Variants in WWOX observed in about 807,000 individuals in gnomAD.
The protein encoded by WWOX is WW domain containing oxidoreductase.
In WWOX, 69 loss-of-function variants were observed where a neutral mutation model predicts 46.2. The ratio of observed to expected loss-of-function variants is 1.49; its 90% CI spans 1.23 to 1.82. WWOX has a LOEUF of 1.82. Among genes scored for constraint, WWOX ranks in the 40% most tolerant of loss-of-function variants. The probability of loss-of-function intolerance (pLI) is 0.00; values close to 1 mark genes in which losing one functional copy is unlikely to be tolerated. For synonymous variants in WWOX, 359 were observed against 202.6 expected (o/e 1.77, Z -6.56); for missense variants, 919 against 542.6 (o/e 1.69, Z -6.89).
intron 8 of WWOX, among the ~76,000 whole-genome samples, chr16:78,632,813 C>T (rs556120283): frequency 1.5e-4 from 23 of 152,140 alleles, no homozygotes; most frequent in Non-Finnish European, 2.5e-4. Flanking sequence ...CCGCCTCAGC[C>T]TCCCACAGTG....
Position 79,201,192 on chromosome 16 carries a change from C to G in WWOX, c.1057-10416C>G, listed in dbSNP as rs541158698. Among the ~76,000 whole-genome samples, 12 of 152,256 alleles carry G rather than the reference C, an allele frequency of 7.9e-5. No individual in the cohort carries two copies. In the South Asian group the frequency reaches 2.5e-3, roughly 32 times the overall value. On this transcript the variant is annotated intron_variant, in intron 8 of 8. Coordinates refer to ENST00000566780, the MANE Select transcript of WWOX (RefSeq NM_016373.4). ...ATTTTCCTACCATCCCATATTGCCA[C>G]CCCATCTGCAAAAATACCTGGATCT...
At chr16:78,637,144 G>A (rs1187390075) in intron 8 of WWOX, among the ~76,000 whole-genome samples, 1 of 152,178 alleles carries the variant, frequency 6.6e-6, no homozygotes, top group Non-Finnish European at 1.5e-5. Flanking sequence ...ATAACTCTGT[G>A]TTGAGAAATA....
At chr16:79,065,386 G>A (rs1458302015) in intron 8 of WWOX, among the ~76,000 whole-genome samples, 1 of 152,154 alleles carries the variant, frequency 6.6e-6, no homozygotes, top group Non-Finnish European at 1.5e-5. Flanking sequence ...AGTTTAGCAG[G>A]AAGGGAGCTA....
chr16:78,208,421 G>C (rs569692040), intron 5 of WWOX, among the ~76,000 whole-genome samples: 2 of 152,080 alleles, frequency 1.3e-5, no homozygotes. Context: ...GAGAAACTGC[G>C]TATTTATTAA....
intron 1 of WWOX, among the ~76,000 whole-genome samples, chr16:78,103,166 C>T (rs866929854): frequency 6.6e-6 from 1 of 151,948 alleles, no homozygotes; most frequent in African/African-American, 2.4e-5. Context: ...CGGGTGCATA[C>T]ATGGTTTCCA....
intron 8 of WWOX, among the ~76,000 whole-genome samples, chr16:79,176,290 T>C (rs1321820649): frequency 1.3e-5 from 2 of 152,184 alleles, no homozygotes; most frequent in Non-Finnish European, 2.9e-5. Context: ...TGCAGCCACT[T>C]AGTGGTTCCA....
chr16:78,641,470 C>G (rs117013586), intron 8 of WWOX, among the ~76,000 whole-genome samples: 2,498 of 152,144 alleles, frequency 0.016, 33 homozygotes, highest in Non-Finnish European at 0.025. Flanking sequence ...CTCTCCCCAC[C>G]CAATCCCCTC....
At chr16:78,752,666 T>C (rs1366357838) in intron 8 of WWOX, among the ~76,000 whole-genome samples, 1 of 152,252 alleles carries the variant, frequency 6.6e-6, no homozygotes, top group Non-Finnish European at 1.5e-5. Flanking sequence ...TAAACATTTG[T>C]CTTCTGTTTT....
chr16:79,176,045 C>G (rs899476355), intron 8 of WWOX, among the ~76,000 whole-genome samples: 13 of 152,220 alleles, frequency 8.5e-5, no homozygotes, highest in Admixed American at 4.6e-4. Context: ...TCTCCATTCC[C>G]TAAGCTGCAC....
chr16:78,549,663 G>T (rs2044130334), intron 8 of WWOX, among the ~76,000 whole-genome samples: 1 of 152,080 alleles, frequency 6.6e-6, no homozygotes, highest in Non-Finnish European at 1.5e-5. Flanking sequence ...AAATCATTCT[G>T]GGCAAGGAAA....
At chr16:79,091,383 A>G (rs16949526) in intron 8 of WWOX, among the ~76,000 whole-genome samples, 4,326 of 152,018 alleles carry the variant, frequency 0.028, 232 homozygotes, top group African/African-American at 0.099. Flanking sequence ...TGCTTTCGTG[A>G]GCACAGATGA....
At chr16:78,155,701 A>G (rs1367649301) in intron 4 of WWOX, among the ~76,000 whole-genome samples, 4 of 152,354 alleles carry the variant, frequency 2.6e-5, no homozygotes, top group East Asian at 1.9e-4. Context: ...TTTTTATAAG[A>G]TGAATCAGGT....
At chr16:79,003,136 C>G (rs1329365246) in intron 8 of WWOX, among the ~76,000 whole-genome samples, 2 of 152,174 alleles carry the variant, frequency 1.3e-5, no homozygotes, top group Non-Finnish European at 2.9e-5. Context: ...AGAGATAAGC[C>G]TCTCCAATTT....
chr16:78,572,331 A>G (rs116210402), intron 8 of WWOX, among the ~76,000 whole-genome samples: 5 of 152,210 alleles, frequency 3.3e-5, no homozygotes, highest in African/African-American at 4.8e-5. Context: ...ACAGTGGCCC[A>G]CACCTGTAAT....
intron 8 of WWOX, among the ~76,000 whole-genome samples, chr16:78,621,475 C>A (rs1597359854): frequency 6.6e-6 from 1 of 151,872 alleles, no homozygotes; most frequent in Admixed American, 6.6e-5. Context: ...TTGCATCTCT[C>A]CCTCTACTTA....
intron 8 of WWOX, among the ~76,000 whole-genome samples, chr16:78,650,166 G>C (rs1331504340): frequency 6.6e-6 from 1 of 152,170 alleles, no homozygotes; most frequent in African/African-American, 2.4e-5. Context: ...AAATAAAAAA[G>C]AGTGTTTGGC....
intron 8 of WWOX, among the ~76,000 whole-genome samples, chr16:78,932,901 CACTT>C (rs1360360937): frequency 2.0e-5 from 3 of 152,202 alleles, no homozygotes; most frequent in Non-Finnish European, 4.4e-5. Flanking sequence ...TCCATAAAGT[CACTT>C]AGGAGGAGAA....
intron 8 of WWOX, among the ~76,000 whole-genome samples, chr16:78,451,582 T>G (rs897944817): frequency 2.0e-5 from 3 of 152,188 alleles, no homozygotes; most frequent in African/African-American, 7.2e-5. Flanking sequence ...TCCTTGGGCT[T>G]TGGATTTTCT....
chr16:78,996,936 C>T (rs1449468540), intron 8 of WWOX, among the ~76,000 whole-genome samples: 1 of 152,230 alleles, frequency 6.6e-6, no homozygotes, highest in African/African-American at 2.4e-5. Context: ...CAAACACAAG[C>T]ATCCTCTCCC....
Sources: gnomAD v4.1 joint callset for allele counts (sites outside exome capture counted in the v4.1 genomes callset) on GRCh38, gnomAD v4.1.1 for gene constraint, MANE v1.5 for transcripts, NCBI Gene and HGNC (gene_info 2026-07-23, HGNC 2026-07-21) for gene names.